Variants in LRP5 observed in about 807,000 individuals in gnomAD.
LRP5 encodes LDL receptor related protein 5.
A neutral mutation model predicts 154.1 loss-of-function variants in LRP5; 62 were observed. The observed-to-expected ratio is 0.40, with a 90% CI of 0.33 to 0.50. The LOEUF is 0.50. Among genes scored for constraint, LRP5 ranks in the 20% least tolerant of loss-of-function variants. The pLI is 0.55. For missense variants in LRP5, 1,915 were observed against 2,336.7 expected (o/e 0.82, Z 3.72); for synonymous variants, 966 against 1,011.5 (o/e 0.96, Z 0.85).
chr11:68,433,563 CG>C, intron 17 of LRP5, 38 bp from the exon 18 acceptor site: 1 of 1,552,894 alleles, frequency 6.4e-7, no homozygotes, highest in East Asian at 2.2e-5. Context: ...TTTTGCTGGG[CG>C]GGGCTGCGTG....
intron 13 of LRP5, among the ~76,000 whole-genome samples, chr11:68,421,255 C>T (rs576018546): frequency 4.4e-4 from 66 of 151,190 alleles, no homozygotes; most frequent in Admixed American, 3.7e-3. Flanking sequence ...CGCAAGACTC[C>T]GTCTCAAAAA....
In LRP5 at chr11:68,403,288, C is replaced by T. The variant is rs575040733; in HGVS notation, c.1585-195C>T. 3.9e-5 allele frequency among the ~76,000 whole-genome samples: 6 copies of T among 152,190 alleles called. No individual in the cohort carries two copies. The East Asian group carries it at 1.2e-3, about 29-fold the overall frequency. Reference sequence around the variant, plus strand: ...ACAAACAAAAAACAAACAAACAAAGCGTCATTTATCCAGCACCCCTGGGGA... The same window carrying T: ...ACAAACAAAAAACAAACAAACAAAGTGTCATTTATCCAGCACCCCTGGGGA... On this transcript the variant is annotated intron_variant, in intron 7 of 22. Coordinates refer to ENST00000294304, the MANE Select transcript of LRP5 (RefSeq NM_002335.4).
At chr11:68,303,283 A>G in the LRP5 span, among the ~76,000 whole-genome samples, 1 of 152,034 alleles carries the variant, frequency 6.6e-6, no homozygotes, top group Non-Finnish European at 1.5e-5. Flanking sequence ...GATTGTGACC[A>G]AAATGCTGAC....
At chr11:68,334,076 A>G (rs564439120) in intron 1 of LRP5, among the ~76,000 whole-genome samples, 18 of 152,304 alleles carry the variant, frequency 1.2e-4, no homozygotes, top group African/African-American at 4.3e-4. Context: ...TCTACTAAAA[A>G]TACAAAAATT....
At chr11:68,425,615 G>A (rs910470425) in intron 15 of LRP5, among the ~76,000 whole-genome samples, 2 of 152,218 alleles carry the variant, frequency 1.3e-5, no homozygotes, top group African/African-American at 2.4e-5. Context: ...GTTAGGCTGC[G>A]AGGGCTGGAG....
At chr11:68,448,140 G>A (rs117985400) in intron 22 of LRP5, among the ~76,000 whole-genome samples, 7,288 of 152,238 alleles carry the variant, frequency 0.048, 202 homozygotes, top group Middle Eastern at 0.13. Flanking sequence ...AGAACCAAGC[G>A]AAAGGGGTTT....
At chr11:68,424,453 C>T (rs139080884) in intron 14 of LRP5, among the ~76,000 whole-genome samples, 4 of 151,868 alleles carry the variant, frequency 2.6e-5, no homozygotes, top group Admixed American at 1.3e-4. Flanking sequence ...CTGCAGCACA[C>T]GGGGGGCTCG....
intron 12 of LRP5, among the ~76,000 whole-genome samples, chr11:68,414,713 G>A (rs2098661535): frequency 6.6e-6 from 1 of 152,230 alleles, no homozygotes; most frequent in Non-Finnish European, 1.5e-5. Flanking sequence ...AGTTTATAAA[G>A]CTCTTTGTCA....
chr11:68,377,063 A>C (rs1295632720), intron 5 of LRP5, among the ~76,000 whole-genome samples: 2 of 152,104 alleles, frequency 1.3e-5, no homozygotes, highest in Non-Finnish European at 2.9e-5. Context: ...TGAGGTCAGG[A>C]GTTCGAGACC....
In LRP5 at chr11:68,348,212, C is replaced by G; in HGVS notation, c.457C>G (p.Pro153Ala). Residue 153 changes from proline (P) to alanine (A), a missense_variant, in exon 2 of 23, where the codon CCG (proline) becomes GCG (alanine). Physicochemically the swap from Pro to Ala is conservative, Grantham distance 27. Coordinates refer to ENST00000294304, the MANE Select transcript of LRP5 (RefSeq NM_002335.4). ...GCTCTTCTGGCAGGACCTTGACCAG[C>G]CGAGGGCCATCGCCTTGGACCCCGC... ...KVLFWQDLDQ[P>A]RAIALDPAHG... The G allele has an allele frequency of 6.2e-7, 1 of 1,609,716 alleles. No homozygotes were observed. Among genetic ancestry groups the G allele is most frequent in the South Asian group, 1.1e-5 (1 of 91,090 alleles).
intron 12 of LRP5, among the ~76,000 whole-genome samples, chr11:68,414,857 G>A (rs2098661622): frequency 6.6e-6 from 1 of 152,224 alleles, no homozygotes; most frequent in Non-Finnish European, 1.5e-5. Context: ...GGCAGGAGAT[G>A]GGCCTGGGCC....
chr11:68,421,151 C>T (rs1186053519), intron 13 of LRP5, among the ~76,000 whole-genome samples: 2 of 152,006 alleles, frequency 1.3e-5, no homozygotes, highest in African/African-American at 2.4e-5. Flanking sequence ...GGCGTGAACC[C>T]GGGAGGCGGA....
At chr11:68,392,291 G>T (rs1447258846) in intron 7 of LRP5, among the ~76,000 whole-genome samples, 3 of 152,132 alleles carry the variant, frequency 2.0e-5, no homozygotes, top group African/African-American at 7.2e-5. Flanking sequence ...ATCACCTGAG[G>T]TCAGGAGTTT....
chr11:68,397,340 G>A (rs1305810195), intron 7 of LRP5, among the ~76,000 whole-genome samples: 1 of 152,134 alleles, frequency 6.6e-6, no homozygotes, highest in Non-Finnish European at 1.5e-5. Flanking sequence ...TGGCATCTCT[G>A]TGGGTCTCTG....
At chr11:68,325,975 G>A (rs1353902111) in intron 1 of LRP5, among the ~76,000 whole-genome samples, 1 of 152,212 alleles carries the variant, frequency 6.6e-6, no homozygotes, top group East Asian at 1.9e-4. Context: ...GGGGACTCTG[G>A]ACTTGTTCAG....
chr11:68,313,740 G>C (rs761941542), intron 1 of LRP5, among the ~76,000 whole-genome samples: 1 of 152,252 alleles, frequency 6.6e-6, no homozygotes. Flanking sequence ...TGGCACGGCC[G>C]CAAGTGCCTG....
chr11:68,404,775 C>A (rs186439432), intron 8 of LRP5, among the ~76,000 whole-genome samples: 2,165 of 152,060 alleles, frequency 0.014, 20 homozygotes, highest in Middle Eastern at 0.024. Flanking sequence ...TCGAGACCAT[C>A]CTGGCTAACA....
intron 5 of LRP5, among the ~76,000 whole-genome samples, chr11:68,367,425 C>G (rs1233209401): frequency 6.6e-6 from 1 of 152,228 alleles, no homozygotes; most frequent in Non-Finnish European, 1.5e-5. Flanking sequence ...CCTGGTGGAG[C>G]AAGGCCCTGG....
intron 4 of LRP5, 29 bp from the exon 5 acceptor site, chr11:68,365,542 C>G (rs1565348523): frequency 6.2e-7 from 1 of 1,613,434 alleles, no homozygotes; most frequent in African/African-American, 1.3e-5. Context: ...CTTCTGGAAC[C>G]TTCTCTCACT....
Sources: gnomAD v4.1 joint callset for allele counts (sites outside exome capture counted in the v4.1 genomes callset) on GRCh38, gnomAD v4.1.1 for gene constraint, MANE v1.5 for transcripts, NCBI Gene and HGNC (gene_info 2026-07-23, HGNC 2026-07-21) for gene names.